TFB1M: variants seen among roughly 807,000 people sequenced by gnomAD.
TFB1M encodes the protein dimethyladenosine transferase 1, mitochondrial.
A neutral mutation model predicts 31.1 loss-of-function variants in TFB1M; 27 were observed. The observed-to-expected ratio is 0.87, with a 90% confidence interval of 0.64 to 1.20. TFB1M has a LOEUF of 1.20. Ranked by LOEUF, TFB1M falls within the 50% of genes most tolerant of loss-of-function variation. The pLI is 0.00. For synonymous variants in TFB1M, 166 were observed against 151.8 expected (o/e 1.09, Z -0.69); for missense variants, 394 against 418.7 (o/e 0.94, Z 0.51).
intron 5 of TFB1M, among the ~76,000 whole-genome samples, chr6:155,269,407 C>T (rs895718566): frequency 4.0e-5 from 6 of 148,154 alleles, no homozygotes; most frequent in East Asian, 4.1e-4. Flanking sequence ...ATGCAACTTC[C>T]GTCTGCTGGG....
intron 5 of TFB1M, chr6:155,276,268 C>T: frequency 1.2e-6 from 2 of 1,614,070 alleles, no homozygotes; most frequent in Non-Finnish European, 1.7e-6. Flanking sequence ...TTTTCTGCAC[C>T]TCCTGTATAA....
chr6:155,268,581 C>T (rs190286769), intron 5 of TFB1M, among the ~76,000 whole-genome samples: 1 of 152,278 alleles, frequency 6.6e-6, no homozygotes, highest in East Asian at 1.9e-4. Flanking sequence ...CTAAGCAACA[C>T]CACACACTAA....
intron 5 of TFB1M, among the ~76,000 whole-genome samples, chr6:155,278,386 T>A (rs1372415085): frequency 6.6e-6 from 1 of 152,242 alleles, no homozygotes; most frequent in Admixed American, 6.5e-5. Flanking sequence ...ACTTAAGTAA[T>A]GTGTACTGTG....
the TFB1M span, chr6:155,240,536 G>T: frequency 6.2e-7 from 1 of 1,611,788 alleles, no homozygotes; most frequent in South Asian, 1.1e-5. Context: ...TCAGAGTGCT[G>T]AGCAGATCAC....
At chr6:155,278,637 A>T (rs923837448) in intron 5 of TFB1M, among the ~76,000 whole-genome samples, 1 of 152,234 alleles carries the variant, frequency 6.6e-6, no homozygotes, top group African/African-American at 2.4e-5. Context: ...AGGGCGACAG[A>T]GGTGACATAA....
At chr6:155,246,696 A>G in the TFB1M span, among the ~76,000 whole-genome samples, 1 of 152,104 alleles carries the variant, frequency 6.6e-6, no homozygotes, top group Admixed American at 6.5e-5. Context: ...GTACTTGTCA[A>G]TACATATTGA....
chr6:155,254,199 G>T, downstream of TFB1M: 1 of 1,015,056 alleles, frequency 9.9e-7, no homozygotes. Flanking sequence ...GGCAACTGAG[G>T]CCGCTAGTAG....
downstream of TFB1M, chr6:155,254,549 C>T (rs370090099): frequency 1.5e-5 from 24 of 1,612,422 alleles, no homozygotes; most frequent in Non-Finnish European, 2.0e-5. Context: ...TCTTAAGAAC[C>T]GAGTTCCTGT....
intron 5 of TFB1M, among the ~76,000 whole-genome samples, chr6:155,274,495 T>C (rs776683011): frequency 6.6e-6 from 1 of 152,262 alleles, no homozygotes; most frequent in Non-Finnish European, 1.5e-5. Flanking sequence ...TTCTGGTATG[T>C]ATTTTTGAGA....
At chr6:155,278,983 T>C (rs562103725) in intron 5 of TFB1M, among the ~76,000 whole-genome samples, 137 of 152,236 alleles carry the variant, frequency 9.0e-4, no homozygotes, top group Non-Finnish European at 1.4e-3. Context: ...GACACTTTTT[T>C]GGTTATCTTA....
intron 4 of TFB1M, among the ~76,000 whole-genome samples, chr6:155,290,401 A>AAAAG (rs1776859496): frequency 1.4e-5 from 2 of 143,966 alleles, no homozygotes; most frequent in Non-Finnish European, 3.0e-5. Flanking sequence ...AAAAAAAAAA[A>AAAAG]AAAAAAAAAG....
chr6:155,275,000 C>T (rs1202515791), intron 5 of TFB1M, among the ~76,000 whole-genome samples: 5 of 151,630 alleles, frequency 3.3e-5, no homozygotes, highest in African/African-American at 9.7e-5. Context: ...GGGCGGATCA[C>T]GAGGTCAGGA....
the TFB1M span, chr6:155,245,755 G>GTTC: frequency 2.0e-6 from 2 of 1,022,126 alleles, no homozygotes; most frequent in Non-Finnish European, 2.8e-6. Context: ...GCCTTTTATA[G>GTTC]TTTTTTTTTT....
chr6:155,255,300 C>G (rs1455345173), downstream of TFB1M: 2 of 152,176 alleles, frequency 1.3e-5, no homozygotes, highest in African/African-American at 4.8e-5. Context: ...TATACTCGTT[C>G]TTAATCGATA....
intron 5 of TFB1M, among the ~76,000 whole-genome samples, chr6:155,274,921 A>T (rs915464971): frequency 6.6e-6 from 1 of 152,248 alleles, no homozygotes; most frequent in Non-Finnish European, 1.5e-5. Context: ...ATTTTCATTA[A>T]AAATAAAATC....
chr6:155,295,361 G>A (rs1250682563), intron 4 of TFB1M, among the ~76,000 whole-genome samples: 2 of 149,266 alleles, frequency 1.3e-5, no homozygotes, highest in African/African-American at 4.9e-5. Context: ...GTGAGACTCT[G>A]TCCAAAAAAA....
chr6:155,244,681 G>A, the TFB1M span: 26 of 1,613,540 alleles, frequency 1.6e-5, no homozygotes, highest in African/African-American at 2.9e-4. Context: ...TTGGAAGTTT[G>A]CCAGAGATGC....
At chr6:155,251,020 T>C in the TFB1M span, 11 of 1,613,350 alleles carry the variant, frequency 6.8e-6, no homozygotes, top group Admixed American at 1.7e-4. Context: ...TCACAGTATT[T>C]GGTTAGTATT....
intron 5 of TFB1M, among the ~76,000 whole-genome samples, chr6:155,282,369 G>C (rs1477247223): frequency 1.3e-5 from 2 of 152,196 alleles, no homozygotes; most frequent in Non-Finnish European, 2.9e-5. Context: ...GATTGAGTTA[G>C]TTAAAAGATT....
Sources: gnomAD v4.1 joint callset for allele counts (sites outside exome capture counted in the v4.1 genomes callset) on GRCh38, gnomAD v4.1.1 for gene constraint, MANE v1.5 for transcripts, NCBI Gene and HGNC (gene_info 2026-07-23, HGNC 2026-07-21) for gene names.